The following ABCC12 variants were observed in gnomAD, a reference collection of about 807,000 sequenced individuals.
ABCC12 encodes the protein ATP binding cassette subfamily C member 12.
A neutral mutation model predicts 151.1 loss-of-function variants in ABCC12; 142 were observed. The observed-to-expected ratio is 0.94, with a 90% confidence interval of 0.82 to 1.08. ABCC12 has a LOEUF of 1.08. Among genes scored for constraint, ABCC12 ranks in the 50% least tolerant of loss-of-function variants. ABCC12 has a pLI of 0.00. For missense variants in ABCC12, 1,638 were observed against 1,691.1 expected (o/e 0.97, Z 0.55); for synonymous variants, 645 against 646.4 (o/e 1.00, Z 0.03).
At chr16:48,150,024 A>G (rs79877520) in intron 2 of ABCC12, among the ~76,000 whole-genome samples, 2,717 of 152,324 alleles carry the variant, frequency 0.018, 83 homozygotes, top group African/African-American at 0.063. Flanking sequence ...GCAATTTGGC[A>G]TTATCTGGTC....
chr16:48,108,618 A>C, intron 18 of ABCC12, 89 bp from the exon 19 acceptor site: 1 of 948,414 alleles, frequency 1.1e-6, no homozygotes, highest in Non-Finnish European at 1.7e-6. Flanking sequence ...ACTCCACAAC[A>C]CGGCTAAGGG....
Position 48,140,695 on chromosome 16 carries a change from C to G in ABCC12, c.649G>C (p.Val217Leu). 6.2e-7 allele frequency: 1 copy of G among 1,613,996 alleles called. No individual in the cohort carries two copies. Among genetic ancestry groups the G allele is most frequent in the Non-Finnish European group, 8.5e-7 (1 of 1,179,908 alleles). The change falls in exon 6 of 31, where the codon GTT (valine) becomes CTT (leucine). Residue 217 changes from valine to leucine, a missense_variant. Val to Leu is a conservative substitution (Grantham distance 32). Coordinates refer to ENST00000311303, the MANE Select transcript of ABCC12 (RefSeq NM_001393797.1). ...CCTCTGAGCCAGCTTACCTCGCCAA[C>G]AGAGATGTGGGTCAATGTCTTGAAG... Reference protein sequence around the residue: ...VSFKTLTHISVGEVLNILSSD... With the variant: ...VSFKTLTHISLGEVLNILSSD...
intron 13 of ABCC12, 166 bp downstream of exon 13, chr16:48,121,550 T>A: frequency 3.2e-6 from 3 of 933,466 alleles, no homozygotes; most frequent in Middle Eastern, 2.2e-4. Context: ...TCCTGAACGC[T>A]TGGCTCAGGA....
In ABCC12 at chr16:48,085,778, G is replaced by GC. The variant is rs558082440; in HGVS notation, c.3715-73dup. 1.1e-4 allele frequency: 137 copies of GC among 1,230,696 alleles called. 1 individual carries two copies. In the African/African-American group the frequency reaches 2.0e-3, roughly 18 times the overall value. 76.2% of individuals were successfully genotyped at this position (1,230,696 alleles called of 1,614,324 possible). Reference sequence around the variant, plus strand: ...TTGTCCTATGCTGTCTGTATTGATTGCCCCCTTCTCTTGCATTCATCAGCT... The same window carrying GC: ...TTGTCCTATGCTGTCTGTATTGATTGCCCCCCTTCTCTTGCATTCATCAGCT... On this transcript the variant is annotated intron_variant, in intron 28 of 30. Transcript: ENST00000311303.
intron 23 of ABCC12, among the ~76,000 whole-genome samples, chr16:48,098,889 A>G: frequency 6.6e-6 from 1 of 152,172 alleles, no homozygotes; most frequent in East Asian, 1.9e-4. Context: ...CAAAGTTTGC[A>G]TGTGTGTTTG....
At chr16:48,134,981 G>A (rs908603137) in intron 8 of ABCC12, among the ~76,000 whole-genome samples, 2 of 151,698 alleles carry the variant, frequency 1.3e-5, no homozygotes, top group Non-Finnish European at 1.5e-5. Context: ...GAACCCAGGA[G>A]GCGGAGCTTG....
intron 26 of ABCC12, 129 bp downstream of exon 26, chr16:48,088,416 G>C: frequency 1.8e-6 from 2 of 1,084,868 alleles, no homozygotes; most frequent in South Asian, 3.3e-5. Context: ...TTACAGTAAA[G>C]AGATTTGAGG....
Position 48,083,759 on chromosome 16 carries a change from C to A in ABCC12, c.4036G>T (p.Asp1346Tyr). 6.2e-7 allele frequency: 1 copy of A among 1,614,230 alleles called. No individual in the cohort carries two copies. Among genetic ancestry groups the A allele is most frequent in the Non-Finnish European group, 8.5e-7 (1 of 1,180,042 alleles). Residue 1346 changes from aspartate (D) to tyrosine (Y), a missense_variant, in exon 31 of 31, where the codon GAT becomes TAT. Coordinates refer to ENST00000311303, the MANE Select transcript of ABCC12 (RefSeq NM_001393797.1). ...GCTAGTAACATCGCAAATGCAGAAT[C>A]TGGCTTCTCTGCAAGGACTTCAGGC... Reference protein sequence around the residue: ...DKPEVLAEKPDSAFAMLLAAE... With the variant: ...DKPEVLAEKPYSAFAMLLAAE...
At chr16:48,105,537 C>T (rs1454925111) in intron 20 of ABCC12, among the ~76,000 whole-genome samples, 1 of 152,156 alleles carries the variant, frequency 6.6e-6, no homozygotes, top group East Asian at 1.9e-4. Context: ...CACTCATGAC[C>T]CCAAGGGGCA....
intron 13 of ABCC12, among the ~76,000 whole-genome samples, chr16:48,118,344 C>T (rs1567451891): frequency 6.6e-6 from 1 of 152,168 alleles, no homozygotes; most frequent in South Asian, 2.1e-4. Context: ...CAGAACCTTC[C>T]CCAGGCATCA....
chr16:48,091,676 A>G (rs879672656), intron 24 of ABCC12, among the ~76,000 whole-genome samples: 2 of 152,172 alleles, frequency 1.3e-5, no homozygotes, highest in Admixed American at 6.5e-5. Context: ...TCTTCTTGTT[A>G]TAGTAATGAG....
chr16:48,125,927 T>C (rs1964223780), intron 11 of ABCC12, among the ~76,000 whole-genome samples: 1 of 152,164 alleles, frequency 6.6e-6, no homozygotes, highest in Non-Finnish European at 1.5e-5. Context: ...GTTGGCTGAG[T>C]GCAACTGAGT....
At chr16:48,116,935 G>T (rs1008780201) in intron 14 of ABCC12, among the ~76,000 whole-genome samples, 3 of 152,200 alleles carry the variant, frequency 2.0e-5, no homozygotes, top group African/African-American at 7.2e-5. Context: ...GCAAGAAGGG[G>T]CCCTGGTTTG....
chr16:48,094,415 G>A (rs921276510), intron 24 of ABCC12, among the ~76,000 whole-genome samples: 2 of 152,180 alleles, frequency 1.3e-5, no homozygotes, highest in African/African-American at 4.8e-5. Context: ...GAAAGAGGAC[G>A]AAAGCCTTTT....
In ABCC12 at chr16:48,128,882, A is replaced by AG; in HGVS notation, c.1237-146dup. The AG allele has an allele frequency of 4.3e-6, 4 of 939,122 alleles. No homozygotes were observed. The South Asian group carries it at 6.8e-5, about 16-fold the overall frequency. The allele number at this position is 939,122 out of a possible 1,614,324, so 58.2% of individuals were successfully genotyped here. ...AAAGAGGTTCTGAAATTATTCCCCC[A>AG]GGAGAAGCTGCAGCAGAAATAGTCC... On this transcript the variant is annotated intron_variant, in intron 10 of 30. Transcript: ENST00000311303.
Position 48,101,241 on chromosome 16 carries a change from C to T in ABCC12, c.2901-232G>A, listed in dbSNP as rs1430322662. ...GCGGCACCTTCGTTTGGCCACGGTG[C>T]TGTGTTTCTCATATCAGGAAAGTCT... On this transcript the variant is annotated intron_variant, in intron 22 of 30. Coordinates refer to ENST00000311303, the MANE Select transcript of ABCC12 (RefSeq NM_001393797.1). 3.3e-5 allele frequency among the ~76,000 whole-genome samples: 5 copies of T among 152,292 alleles called. No homozygotes were observed. In the South Asian group the frequency reaches 1.0e-3, roughly 32 times the overall value.
At chr16:48,099,422 A>G (rs1465185141) in intron 23 of ABCC12, among the ~76,000 whole-genome samples, 1 of 152,152 alleles carries the variant, frequency 6.6e-6, no homozygotes, top group East Asian at 1.9e-4. Context: ...AAATAAATAA[A>G]TTTAATGCAA....
intron 12 of ABCC12, 55 bp downstream of exon 12, chr16:48,124,158 C>A (rs548914493): frequency 8.7e-5 from 137 of 1,568,002 alleles, no homozygotes; most frequent in Admixed American, 5.2e-4. Flanking sequence ...CGGAAGGGAG[C>A]CATTTCATTG....
intron 23 of ABCC12, 90 bp from the exon 24 acceptor site, chr16:48,096,992 G>T: frequency 6.6e-7 from 1 of 1,525,814 alleles, no homozygotes; most frequent in Non-Finnish European, 9.1e-7. Context: ...CTTAAGGTTA[G>T]GGTGACTGGA....
Sources: gnomAD v4.1 joint callset for allele counts (sites outside exome capture counted in the v4.1 genomes callset) on GRCh38, gnomAD v4.1.1 for gene constraint, MANE v1.5 for transcripts, NCBI Gene and HGNC (gene_info 2026-07-23, HGNC 2026-07-21) for gene names.